The following JARID2 variants were observed in gnomAD, a reference collection of about 807,000 sequenced individuals.
JARID2 encodes jumonji and AT-rich interaction domain containing 2.
Under a neutral mutation model 125.6 loss-of-function variants are expected in JARID2, and 21 were observed. That is an observed-to-expected ratio of 0.17 (90% CI 0.12 to 0.24). The LOEUF is 0.24. JARID2 is among the 10% of genes least tolerant of loss of function. The pLI is 1.00. For missense variants in JARID2, 1,303 were observed against 1,639.6 expected (o/e 0.79, Z 3.55); for synonymous variants, 736 against 661.6 (o/e 1.11, Z -1.73).
chr6:15,503,688 C>A (rs2282815), intron 8 of JARID2, among the ~76,000 whole-genome samples: 98,361 of 152,020 alleles, frequency 0.65, 32,026 homozygotes, highest in East Asian at 0.71. Flanking sequence ...CCTAGTACAC[C>A]ATAGGTGCTC....
chr6:15,358,225 T>C (rs1238463263), intron 1 of JARID2, among the ~76,000 whole-genome samples: 2 of 152,226 alleles, frequency 1.3e-5, no homozygotes, highest in African/African-American at 4.8e-5. Context: ...TTACTATTTC[T>C]GCTTATAAGC....
chr6:15,487,565 A>G (rs1769940675), intron 6 of JARID2, 23 bp downstream of exon 6: 2 of 1,553,610 alleles, frequency 1.3e-6, no homozygotes, highest in South Asian at 1.2e-5. Context: ...AGGGGTGCCT[A>G]CATGTGTGCC....
chr6:15,292,240 T>G (rs1292162289), intron 1 of JARID2, among the ~76,000 whole-genome samples: 1 of 151,920 alleles, frequency 6.6e-6, no homozygotes, highest in Non-Finnish European at 1.5e-5. Flanking sequence ...CCAGGATGGT[T>G]TCGATCTCCT....
intron 2 of JARID2, among the ~76,000 whole-genome samples, chr6:15,408,158 A>C (rs1177604885): frequency 2.6e-5 from 4 of 152,230 alleles, no homozygotes; most frequent in African/African-American, 9.6e-5. Context: ...CAGCTGAGGC[A>C]GGAGGATTTC....
chr6:15,437,966 A>G (rs1487364089), intron 3 of JARID2, among the ~76,000 whole-genome samples: 1 of 152,132 alleles, frequency 6.6e-6, no homozygotes, highest in Non-Finnish European at 1.5e-5. Context: ...TAGATAGAAG[A>G]TAGAATATTT....
At chr6:15,332,935 CTTTTTTTTTTT>C (rs33921682) in intron 1 of JARID2, among the ~76,000 whole-genome samples, 1 of 42,170 alleles carries the variant, frequency 2.4e-5, no homozygotes, top group African/African-American at 7.8e-5. Context: ...CTTTTCTTTT[CTTTTTTTTTTT>C]TTTTTTTTTT....
At chr6:15,348,292 A>G (rs1469829937) in intron 1 of JARID2, among the ~76,000 whole-genome samples, 1 of 151,968 alleles carries the variant, frequency 6.6e-6, no homozygotes, top group East Asian at 1.9e-4. Flanking sequence ...GGCTTTCACC[A>G]TGTTGGCCAG....
At chr6:15,428,297 C>T (rs967806945) in intron 3 of JARID2, among the ~76,000 whole-genome samples, 15 of 151,768 alleles carry the variant, frequency 9.9e-5, no homozygotes, top group African/African-American at 3.2e-4. Context: ...ACTTTAAGTT[C>T]TAGGGTACAT....
intron 1 of JARID2, among the ~76,000 whole-genome samples, chr6:15,319,516 G>C (rs536269392): frequency 6.6e-6 from 1 of 152,208 alleles, no homozygotes; most frequent in African/African-American, 2.4e-5. Context: ...TTGTGCCCCA[G>C]TCTCCTGAGT....
intron 2 of JARID2, among the ~76,000 whole-genome samples, chr6:15,392,834 A>G (rs1765076788): frequency 6.6e-6 from 1 of 151,848 alleles, no homozygotes. Context: ...ACAGGCGCCC[A>G]CCATCATGAC....
chr6:15,494,624 G>A (rs1366037217), intron 6 of JARID2, among the ~76,000 whole-genome samples: 5 of 151,998 alleles, frequency 3.3e-5, no homozygotes, highest in African/African-American at 1.2e-4. Context: ...TAGCCAGTAT[G>A]GTGTCAATCT....
chr6:15,327,550 T>TGC (rs754665811), intron 1 of JARID2, among the ~76,000 whole-genome samples: 3 of 129,000 alleles, frequency 2.3e-5, no homozygotes, highest in South Asian at 2.5e-4. Context: ...TGTGTGTGTG[T>TGC]GCGCGTGTGT....
At chr6:15,387,250 T>TG (rs1167459649) in intron 2 of JARID2, among the ~76,000 whole-genome samples, 1 of 152,186 alleles carries the variant, frequency 6.6e-6, no homozygotes, top group Non-Finnish European at 1.5e-5. Context: ...CGTGTGCCTG[T>TG]GGTGGGATAG....
chr6:15,511,456 T>C, intron 13 of JARID2, 55 bp downstream of exon 13: 1 of 1,188,278 alleles, frequency 8.4e-7, no homozygotes, highest in African/African-American at 1.5e-5. Context: ...CCTAGGCACT[T>C]GAACATGGTT....
chr6:15,337,990 A>G (rs577718369), intron 1 of JARID2, among the ~76,000 whole-genome samples: 1 of 152,134 alleles, frequency 6.6e-6, no homozygotes, highest in Non-Finnish European at 1.5e-5. Flanking sequence ...CTGCCAACCA[A>G]ATCCTCCACC....
At chr6:15,325,403 T>C (rs1378474620) in intron 1 of JARID2, among the ~76,000 whole-genome samples, 2 of 152,198 alleles carry the variant, frequency 1.3e-5, no homozygotes, top group Non-Finnish European at 2.9e-5. Flanking sequence ...ACCCAGCATA[T>C]TGATTTCCTA....
At chr6:15,284,133 G>A (rs141138491) in intron 1 of JARID2, among the ~76,000 whole-genome samples, 347 of 152,188 alleles carry the variant, frequency 2.3e-3, no homozygotes, top group Middle Eastern at 6.8e-3. Context: ...CCAAGAATAC[G>A]AAAATGTTCT....
At chr6:15,425,716 T>A (rs1210003570) in intron 3 of JARID2, among the ~76,000 whole-genome samples, 1 of 152,176 alleles carries the variant, frequency 6.6e-6, no homozygotes, top group Non-Finnish European at 1.5e-5. Context: ...AGAAATAAAT[T>A]TCTGTTCTTT....
chr6:15,486,182 G>A lies in JARID2; in HGVS notation c.671-1125G>A, dbSNP rs542723334. ...AACAGGGTGTGCTTCCTCCTTCCCT[G>A]AAGAAACAGGCCCTGTTTGGACTGT... On this transcript the variant is annotated intron_variant, in intron 5 of 17. Transcript: ENST00000341776. 5.3e-5 allele frequency among the ~76,000 whole-genome samples: 8 copies of A among 152,358 alleles called. No homozygotes were observed. The South Asian group carries it at 1.7e-3, about 32-fold the overall frequency.
Sources: allele counts gnomAD v4.1 joint callset (sites outside exome capture counted in the v4.1 genomes callset), GRCh38; gene constraint gnomAD v4.1.1; transcripts MANE v1.5; gene names NCBI Gene and HGNC (gene_info 2026-07-23, HGNC 2026-07-21).